The following SNTG1 variants were observed in gnomAD, a reference collection of about 807,000 sequenced individuals.
SNTG1 encodes syntrophin gamma 1, also known as gamma-1-syntrophin.
A neutral mutation model predicts 74.7 loss-of-function variants in SNTG1; 39 were observed. The observed-to-expected ratio is 0.52, with a 90% confidence interval of 0.40 to 0.68. The LOEUF is 0.68. SNTG1 is among the 30% of genes least tolerant of loss of function. SNTG1 has a pLI of 0.00. For missense variants in SNTG1, 685 were observed against 609.5 expected, an observed-to-expected ratio of 1.12 and a Z score of -1.30; for synonymous variants, 254 against 217.1, an observed-to-expected ratio of 1.17 and a Z score of -1.49.
At chr8:50,373,272 T>C (rs111397234) in intron 2 of SNTG1, among the ~76,000 whole-genome samples, 7,644 of 152,304 alleles carry the variant, frequency 0.05, 249 homozygotes, top group Non-Finnish European at 0.07. Context: ...ATTTAAGGAA[T>C]GCAAATATGT....
In SNTG1 at chr8:50,789,893, T is replaced by A. The variant is rs183258147; in HGVS notation, c.1396-2778T>A. On this transcript the variant is annotated intron_variant, in intron 18 of 18. Transcript: ENST00000642720. ...ATGCAAAGTGTTTTCTTTGATCTCA[T>A]TGTCTGCCAAGTACTTCTTAATTCA... 9.1e-4 allele frequency among the ~76,000 whole-genome samples: 138 copies of A among 152,126 alleles called. 2 individuals are homozygous for A. Among genetic ancestry groups the A allele is most frequent in the Middle Eastern group, 6.8e-3 (2 of 294 alleles).
chr8:50,382,139 A>C (rs961308421), intron 2 of SNTG1: 1 of 151,976 alleles, frequency 6.6e-6, no homozygotes, highest in Non-Finnish European at 1.5e-5. Context: ...TTCCCAGCCC[A>C]GTGATTCAAA....
chr8:49,915,222 A>T (rs1344194271), intron 1 of SNTG1, among the ~76,000 whole-genome samples: 1 of 152,128 alleles, frequency 6.6e-6, no homozygotes, highest in Admixed American at 6.5e-5. Flanking sequence ...ATACCTGAAC[A>T]CTCATGAGAT....
chr8:50,004,783 GAGA>G lies in SNTG1; in HGVS notation c.-103+92558_-103+92560del, dbSNP rs1401388036. On this transcript the variant is annotated intron_variant, in intron 1 of 18. Transcript: ENST00000642720. ...AGAAGAAATCTTCTACCCTTTGAGAGAGAAGAAGCACCAGGTAGCCCTATGGCT... is the reference window on the plus strand; with the variant it reads ...AGAAGAAATCTTCTACCCTTTGAGAGAGAAGCACCAGGTAGCCCTATGGCT... 2.0e-5 allele frequency among the ~76,000 whole-genome samples: 3 copies of G among 152,268 alleles called. No individual in the cohort carries two copies. The South Asian group carries it at 6.2e-4, about 32-fold the overall frequency.
intron 13 of SNTG1, among the ~76,000 whole-genome samples, chr8:50,647,399 T>C (rs2095116082): frequency 6.6e-6 from 1 of 151,522 alleles, no homozygotes; most frequent in Non-Finnish European, 1.5e-5. Flanking sequence ...ACAGGCAAAA[T>C]ACCTGAACAA....
At chr8:50,527,129 A>C (rs930713548) in intron 9 of SNTG1, among the ~76,000 whole-genome samples, 1 of 152,140 alleles carries the variant, frequency 6.6e-6, no homozygotes, top group African/African-American at 2.4e-5. Flanking sequence ...ATTATTGGCC[A>C]TGTGCATATC....
At chr8:50,013,984 C>A (rs1816071058) in intron 1 of SNTG1, among the ~76,000 whole-genome samples, 1 of 152,090 alleles carries the variant, frequency 6.6e-6, no homozygotes, top group Admixed American at 6.6e-5. Context: ...CTAAATAACC[C>A]ATTTTTGATC....
chr8:50,559,138 A>T (rs2094472884), intron 12 of SNTG1, among the ~76,000 whole-genome samples: 1 of 152,196 alleles, frequency 6.6e-6, no homozygotes. Context: ...AGGCTTGGAG[A>T]TGTCAGAAGG....
intron 8 of SNTG1, among the ~76,000 whole-genome samples, chr8:50,472,835 C>A (rs557536439): frequency 1.6e-4 from 24 of 151,722 alleles, no homozygotes; most frequent in South Asian, 1.2e-3. Flanking sequence ...ACAACAACAA[C>A]AAAAAACCTT....
intron 2 of SNTG1, among the ~76,000 whole-genome samples, chr8:50,338,809 A>G (rs1476810211): frequency 6.6e-6 from 1 of 152,146 alleles, no homozygotes; most frequent in Non-Finnish European, 1.5e-5. Context: ...GGGGTAACTT[A>G]TGTGTAATGG....
At chr8:50,394,684 G>T (rs1231304095) in intron 3 of SNTG1, among the ~76,000 whole-genome samples, 1 of 152,044 alleles carries the variant, frequency 6.6e-6, no homozygotes, top group Non-Finnish European at 1.5e-5. Context: ...TAATACACAA[G>T]AATTTAGATT....
intron 2 of SNTG1, among the ~76,000 whole-genome samples, chr8:50,375,973 G>A (rs2092370438): frequency 6.6e-6 from 1 of 152,144 alleles, no homozygotes; most frequent in Admixed American, 6.5e-5. Flanking sequence ...CAGGGGAAAG[G>A]CAAATAAATG....
At chr8:50,355,503 A>G (rs1268974255) in intron 2 of SNTG1, among the ~76,000 whole-genome samples, 1 of 152,186 alleles carries the variant, frequency 6.6e-6, no homozygotes, top group Non-Finnish European at 1.5e-5. Context: ...TATATTCAAC[A>G]TGCTTTACTA....
chr8:49,994,514 C>T (rs1287576727), intron 1 of SNTG1, among the ~76,000 whole-genome samples: 1 of 151,712 alleles, frequency 6.6e-6, no homozygotes, highest in African/African-American at 2.4e-5. Context: ...ATCCACCTGC[C>T]TTGGCCTCCC....
At chr8:50,790,472 G>A (rs1585805550) in intron 18 of SNTG1, among the ~76,000 whole-genome samples, 1 of 151,888 alleles carries the variant, frequency 6.6e-6, no homozygotes, top group Non-Finnish European at 1.5e-5. Flanking sequence ...TGGATGGATA[G>A]ATAGATGTTC....
chr8:50,370,383 A>C (rs922321328), intron 2 of SNTG1, among the ~76,000 whole-genome samples: 36 of 152,146 alleles, frequency 2.4e-4, no homozygotes, highest in African/African-American at 8.4e-4. Context: ...AAGGAATGGG[A>C]TCTTGAAAGT....
At chr8:50,252,888 T>C (rs1219836261) in intron 2 of SNTG1, among the ~76,000 whole-genome samples, 1 of 152,060 alleles carries the variant, frequency 6.6e-6, no homozygotes, top group Non-Finnish European at 1.5e-5. Context: ...AAGACATTTC[T>C]CAATAGAAGA....
At chr8:50,113,336 C>T (rs1436456236) in intron 1 of SNTG1, among the ~76,000 whole-genome samples, 1 of 152,044 alleles carries the variant, frequency 6.6e-6, no homozygotes, top group South Asian at 2.1e-4. Context: ...AGTTGGATTC[C>T]TAGGTATTTT....
At chr8:50,614,944 CTTTTT>C (rs1217362389) in intron 13 of SNTG1, among the ~76,000 whole-genome samples, 1 of 136,750 alleles carries the variant, frequency 7.3e-6, no homozygotes. Context: ...GTAGTTTTTT[CTTTTT>C]TTTTTTTTTT....
Sources: gnomAD v4.1 joint callset for allele counts (sites outside exome capture counted in the v4.1 genomes callset) on GRCh38, gnomAD v4.1.1 for gene constraint, MANE v1.5 for transcripts, NCBI Gene and HGNC (gene_info 2026-07-23, HGNC 2026-07-21) for gene names.